Variants in SCAPER observed in about 807,000 individuals in gnomAD.
SCAPER encodes the protein S phase cyclin A-associated protein in the endoplasmic reticulum.
SCAPER carries 98 observed loss-of-function variants against 182.2 expected under a neutral mutation model. That is an observed-to-expected ratio of 0.54 (90% CI 0.46 to 0.64). The LOEUF (loss-of-function observed/expected upper bound fraction) is 0.64. Among genes scored for constraint, SCAPER ranks in the 30% least tolerant of loss-of-function variants. The pLI, the probability that SCAPER is intolerant of heterozygous loss-of-function variation, is 0.00. For synonymous variants in SCAPER, 605 were observed against 564.6 expected (o/e 1.07, Z -1.01); for missense variants, 1,432 against 1,690.0 (o/e 0.85, Z 2.68).
intron 16 of SCAPER, among the ~76,000 whole-genome samples, chr15:76,730,926 G>A (rs2060888341): frequency 6.6e-6 from 1 of 152,012 alleles, no homozygotes; most frequent in South Asian, 2.1e-4. Context: ...AGAGATAACT[G>A]GACGTAAAAA....
At chr15:76,404,897 A>G (rs1279819489) in intron 26 of SCAPER, among the ~76,000 whole-genome samples, 2 of 152,022 alleles carry the variant, frequency 1.3e-5, no homozygotes, top group Admixed American at 6.6e-5. Context: ...TCTTTTGGTT[A>G]TTTGAATATT....
intron 22 of SCAPER, among the ~76,000 whole-genome samples, chr15:76,618,039 A>T (rs2051656581): frequency 6.6e-6 from 1 of 152,166 alleles, no homozygotes; most frequent in Non-Finnish European, 1.5e-5. Flanking sequence ...CGGGTGGATC[A>T]CTTGAGGTCA....
chr15:76,472,581 G>A (rs924825793), intron 24 of SCAPER, among the ~76,000 whole-genome samples: 2 of 152,130 alleles, frequency 1.3e-5, no homozygotes, highest in African/African-American at 4.8e-5. Context: ...GGCCAGGCTG[G>A]TCTCGAGCTC....
chr15:76,594,464 G>C (rs2049351931), intron 22 of SCAPER, among the ~76,000 whole-genome samples: 1 of 120,852 alleles, frequency 8.3e-6, no homozygotes, highest in Non-Finnish European at 2.0e-5. Flanking sequence ...TGAAATTCAG[G>C]AATTACAGAG....
At chr15:76,411,047 A>C (rs1222782415) in intron 26 of SCAPER, among the ~76,000 whole-genome samples, 2 of 152,168 alleles carry the variant, frequency 1.3e-5, no homozygotes, top group Admixed American at 6.5e-5. Flanking sequence ...ATAACCATCC[A>C]TAAAAACAAG....
At chr15:76,794,810 T>A (rs1293273073) in intron 8 of SCAPER, among the ~76,000 whole-genome samples, 2 of 152,138 alleles carry the variant, frequency 1.3e-5, no homozygotes, top group African/African-American at 2.4e-5. Context: ...CTCATAATAA[T>A]CCCTCTTCTA....
intron 24 of SCAPER, among the ~76,000 whole-genome samples, 173 bp from the exon 25 acceptor site, chr15:76,471,508 TA>T (rs761315183): frequency 2.0e-5 from 3 of 152,204 alleles, no homozygotes; most frequent in Non-Finnish European, 2.9e-5. Flanking sequence ...TAAAAGCTTA[TA>T]ATTTTCACCC....
At chr15:76,796,400 A>T (rs1469836776) in intron 7 of SCAPER, among the ~76,000 whole-genome samples, 1 of 152,204 alleles carries the variant, frequency 6.6e-6, no homozygotes, top group Non-Finnish European at 1.5e-5. Flanking sequence ...CTCTTTTTAC[A>T]CTCATATTTT....
chr15:76,524,517 T>C (rs1361314867), intron 23 of SCAPER, among the ~76,000 whole-genome samples: 2 of 152,038 alleles, frequency 1.3e-5, no homozygotes, highest in Non-Finnish European at 2.9e-5. Context: ...GTGAATATTT[T>C]AAAATATATT....
At chr15:76,702,827 A>G (rs765403083) in intron 19 of SCAPER, 23 bp downstream of exon 19, 1 of 1,584,546 alleles carries the variant, frequency 6.3e-7, no homozygotes, top group Admixed American at 2.0e-5. Context: ...CTATATCATT[A>G]CAATATTGAT....
intron 17 of SCAPER, among the ~76,000 whole-genome samples, chr15:76,716,004 A>G (rs1403433595): frequency 6.6e-6 from 1 of 151,996 alleles, no homozygotes; most frequent in Non-Finnish European, 1.5e-5. Flanking sequence ...GTGCCCTAAA[A>G]CCCAGTGCTG....
At position 76,702,986 on chromosome 15, in the gene SCAPER, C is replaced by T; in HGVS notation, c.2264G>A (p.Arg755Gln). 3 of 1,575,290 alleles carry T rather than the reference C, an allele frequency of 1.9e-6. No individual in the cohort carries two copies. The highest frequency in any genetic ancestry group is 1.7e-6 in the Non-Finnish European group (2 of 1,166,200). Reference sequence around the variant, plus strand: ...TTGTTCAATCTGTTCCATGTGCCTTCGAATACTTTCATCATGCTGTAGATG... The same window carrying T: ...TTGTTCAATCTGTTCCATGTGCCTTTGAATACTTTCATCATGCTGTAGATG... ...KIQLKHDESIRRHMEQIEQRK... is the reference protein window; with the variant it reads ...KIQLKHDESIQRHMEQIEQRK... The change falls in exon 19 of 32, where the codon CGA (arginine) becomes CAA (glutamine). Residue 755 changes from arginine to glutamine, a missense_variant. By Grantham distance (43) the Arg-to-Gln change is conservative (BLOSUM62 1). Transcript: ENST00000563290.
At chr15:76,686,662 C>T (rs963716773) in intron 20 of SCAPER, among the ~76,000 whole-genome samples, 1 of 152,012 alleles carries the variant, frequency 6.6e-6, no homozygotes, top group African/African-American at 2.4e-5. Flanking sequence ...AAACACCAAT[C>T]AAAAGGATAG....
intron 23 of SCAPER, among the ~76,000 whole-genome samples, chr15:76,516,562 G>A (rs1008450851): frequency 3.9e-5 from 6 of 152,070 alleles, no homozygotes; most frequent in Non-Finnish European, 8.8e-5. Context: ...TTTTATGGCT[G>A]CATAGTATTC....
intron 5 of SCAPER, among the ~76,000 whole-genome samples, chr15:76,838,149 C>G (rs2069119038): frequency 6.6e-6 from 1 of 152,156 alleles, no homozygotes; most frequent in Admixed American, 6.5e-5. Context: ...TGGAATCAAC[C>G]TAGATGCCCA....
rs547551321 is a variant in SCAPER, at chr15:76,813,868, T to G, written c.394-9235A>C. Among the ~76,000 whole-genome samples the G allele has an allele frequency of 1.6e-4, 25 of 152,282 alleles. No homozygotes were observed. In the South Asian group the frequency reaches 5.0e-3, roughly 30 times the overall value. On this transcript the variant is annotated intron_variant, in intron 5 of 31. Coordinates refer to ENST00000563290, the MANE Select transcript of SCAPER (RefSeq NM_020843.4). ...GTTTATGGGTTGTAAAAATTAATAC[T>G]GTTAAAACATTCATACAGGCTGGGT...
At chr15:76,542,340 T>C (rs187762229) in intron 23 of SCAPER, among the ~76,000 whole-genome samples, 30 of 151,908 alleles carry the variant, frequency 2.0e-4, no homozygotes, top group African/African-American at 7.2e-4. Context: ...CTGGCCAACA[T>C]GGTGAAGCCC....
At chr15:76,894,313 T>C (rs2074313722) in intron 1 of SCAPER, among the ~76,000 whole-genome samples, 1 of 151,960 alleles carries the variant, frequency 6.6e-6, no homozygotes, top group Admixed American at 6.6e-5. Context: ...TAATCTCAGC[T>C]AGTCAGGAGA....
At position 76,567,394 on chromosome 15, in the gene SCAPER, T is replaced by C. The variant is rs1467196959; in HGVS notation, c.2838+6764A>G. ...TGGTGGATATATGCATTGCTTTCCA[T>C]ACAGTATATACCTAGAAGTGAAATA... On this transcript the variant is annotated intron_variant, in intron 23 of 31. Coordinates refer to ENST00000563290, the MANE Select transcript of SCAPER (RefSeq NM_020843.4). 4.4e-5 allele frequency: 20 copies of C among 453,548 alleles called. No homozygotes were observed. In the Admixed American group the frequency reaches 4.7e-4, roughly 11 times the overall value. 28.1% of individuals were successfully genotyped at this position (453,548 alleles called of 1,614,324 possible).
Sources: allele counts gnomAD v4.1 joint callset (sites outside exome capture counted in the v4.1 genomes callset), GRCh38; gene constraint gnomAD v4.1.1; transcripts MANE v1.5; gene names NCBI Gene and HGNC (gene_info 2026-07-23, HGNC 2026-07-21).